Variants in NRXN3 observed in about 807,000 individuals in gnomAD.
NRXN3 encodes the protein neurexin III.
A neutral mutation model predicts 137.6 loss-of-function variants in NRXN3; 32 were observed. The ratio of observed to expected loss-of-function variants is 0.23; its 90% confidence interval spans 0.18 to 0.31. The LOEUF is 0.31. Among genes scored for constraint, NRXN3 ranks in the 10% least tolerant of loss-of-function variants. The pLI is 1.00. For missense variants in NRXN3, 1,574 were observed against 2,062.5 expected (o/e 0.76, Z 4.59); for synonymous variants, 798 against 784.5 (o/e 1.02, Z -0.29).
chr14:78,399,079 G>C (rs1235445052), intron 4 of NRXN3, among the ~76,000 whole-genome samples: 1 of 152,080 alleles, frequency 6.6e-6, no homozygotes, highest in African/African-American at 2.4e-5. Context: ...CCTTCTATGG[G>C]GCTTTTTGTC....
intron 6 of NRXN3, among the ~76,000 whole-genome samples, chr14:78,665,925 A>G (rs2152696361): frequency 6.6e-6 from 1 of 152,188 alleles, no homozygotes. Flanking sequence ...CTTTTATCCC[A>G]TATCTAGGTT....
intron 4 of NRXN3, among the ~76,000 whole-genome samples, chr14:78,332,714 A>C (rs1302120087): frequency 2.6e-5 from 4 of 152,216 alleles, no homozygotes; most frequent in African/African-American, 9.6e-5. Flanking sequence ...CCTATACTGT[A>C]ATCTTTTAAA....
intron 19 of NRXN3, among the ~76,000 whole-genome samples, chr14:79,725,108 T>A (rs186254133): frequency 2.3e-4 from 35 of 152,238 alleles, no homozygotes; most frequent in Non-Finnish European, 4.1e-4. Flanking sequence ...GTTGCAAAAC[T>A]GTTTGGGAGA....
At position 79,849,657 on chromosome 14, in the gene NRXN3, G is replaced by A. The variant is rs563175322; in HGVS notation, c.4094-11685G>A. On this transcript the variant is annotated intron_variant, in intron 20 of 20. Coordinates refer to ENST00000335750, the MANE Select transcript of NRXN3 (RefSeq NM_001330195.2). ...AGGGAACCGTTGTACACTGTGGGTG[G>A]GAATTTGGATTGGTCCAGCCATTAC... is the stretch of plus-strand genomic sequence containing the variant. Among the ~76,000 whole-genome samples, 72 of 152,254 alleles carry A rather than the reference G, an allele frequency of 4.7e-4. 1 individual carries two copies. The South Asian group carries it at 0.014, about 30-fold the overall frequency.
intron 16 of NRXN3, among the ~76,000 whole-genome samples, chr14:79,475,401 A>G (rs1376939579): frequency 2.6e-5 from 4 of 152,090 alleles, no homozygotes; most frequent in African/African-American, 4.8e-5. Context: ...TCCTCAATGC[A>G]TACAAATAAG....
intron 10 of NRXN3, among the ~76,000 whole-genome samples, chr14:78,871,064 T>A (rs2099100156): frequency 6.7e-6 from 1 of 148,708 alleles, no homozygotes; most frequent in Non-Finnish European, 1.5e-5. Flanking sequence ...TTTCCTTTCT[T>A]TTGGATATAT....
chr14:79,426,476 G>A (rs2095656499), intron 15 of NRXN3, among the ~76,000 whole-genome samples: 2 of 152,196 alleles, frequency 1.3e-5, no homozygotes, highest in African/African-American at 4.8e-5. Flanking sequence ...ATCAAGCTAT[G>A]TTTTCTGAGT....
intron 16 of NRXN3, among the ~76,000 whole-genome samples, chr14:79,607,366 A>G (rs2098034303): frequency 6.6e-6 from 1 of 152,222 alleles, no homozygotes; most frequent in African/African-American, 2.4e-5. Flanking sequence ...AAAATTAAAG[A>G]AATATTCAGC....
Position 78,943,667 on chromosome 14 carries a change from T to A in NRXN3, c.2276-13575T>A, listed in dbSNP as rs1213492930. On this transcript the variant is annotated intron_variant, in intron 10 of 20. Coordinates refer to ENST00000335750, the MANE Select transcript of NRXN3 (RefSeq NM_001330195.2). Reference sequence around the variant, plus strand: ...ATATATATATATATATATATATATATATATATATATATCTCAAAGAATCTA... The same window carrying A: ...ATATATATATATATATATATATATAAATATATATATATCTCAAAGAATCTA... Among the ~76,000 whole-genome samples the A allele has an allele frequency of 5.6e-4, 53 of 94,466 alleles. 3 individuals are homozygous for A. The highest frequency in any genetic ancestry group is 4.4e-3 in the Admixed American group (41 of 9,242). 62.0% of individuals were successfully genotyped at this position (94,466 alleles called of 152,430 possible).
At chr14:79,338,667 T>C (rs2092423622) in intron 15 of NRXN3, among the ~76,000 whole-genome samples, 1 of 152,188 alleles carries the variant, frequency 6.6e-6, no homozygotes, top group Non-Finnish European at 1.5e-5. Flanking sequence ...AGCACATAGT[T>C]GAGTGCAAAA....
intron 15 of NRXN3, among the ~76,000 whole-genome samples, chr14:79,193,520 C>T (rs118021243): frequency 1.2e-3 from 180 of 152,322 alleles, no homozygotes; most frequent in East Asian, 7.1e-3. Context: ...ATTAAACTTA[C>T]GTTGCAGTCA....
At chr14:79,555,457 G>A (rs2097420024) in intron 16 of NRXN3, among the ~76,000 whole-genome samples, 1 of 152,142 alleles carries the variant, frequency 6.6e-6, no homozygotes, top group African/African-American at 2.4e-5. Flanking sequence ...GGAATACAGA[G>A]AAGGATGATT....
At chr14:78,204,715 G>A (rs2062018588) in intron 1 of NRXN3, among the ~76,000 whole-genome samples, 2 of 152,106 alleles carry the variant, frequency 1.3e-5, no homozygotes, top group Admixed American at 1.3e-4. Context: ...GCATAATTGT[G>A]CTTTTTCTCT....
intron 15 of NRXN3, among the ~76,000 whole-genome samples, chr14:79,105,443 C>T (rs1292859050): frequency 6.6e-6 from 1 of 152,052 alleles, no homozygotes; most frequent in Non-Finnish European, 1.5e-5. Flanking sequence ...AAAGAAAGTA[C>T]ATTAAAGCAA....
At chr14:78,296,899 A>T (rs1054830857) in intron 3 of NRXN3, among the ~76,000 whole-genome samples, 1 of 152,118 alleles carries the variant, frequency 6.6e-6, no homozygotes, top group Non-Finnish European at 1.5e-5. Context: ...GGATATGTCA[A>T]ATATCTCCAG....
At chr14:79,027,345 C>T (rs971075432) in intron 15 of NRXN3, among the ~76,000 whole-genome samples, 3 of 151,924 alleles carry the variant, frequency 2.0e-5, no homozygotes, top group Non-Finnish European at 4.4e-5. Flanking sequence ...TGAGTTATTC[C>T]ATCTGGTTGT....
At chr14:79,360,173 C>T (rs1382502506) in intron 15 of NRXN3, among the ~76,000 whole-genome samples, 1 of 152,210 alleles carries the variant, frequency 6.6e-6, no homozygotes, top group East Asian at 1.9e-4. Context: ...CCGTAGCTTC[C>T]TCCCAACTCC....
intron 8 of NRXN3, among the ~76,000 whole-genome samples, chr14:78,767,731 T>A (rs1308833533): frequency 6.6e-6 from 1 of 152,160 alleles, no homozygotes; most frequent in East Asian, 1.9e-4. Context: ...TCGGAATGCT[T>A]TAAAAGACAA....
chr14:78,273,254 C>A (rs777318735), intron 2 of NRXN3, among the ~76,000 whole-genome samples: 8 of 152,220 alleles, frequency 5.3e-5, no homozygotes, highest in Non-Finnish European at 1.2e-4. Flanking sequence ...GGCTGTGTGA[C>A]TTTTGGCCAG....
Sources: allele counts gnomAD v4.1 joint callset (sites outside exome capture counted in the v4.1 genomes callset), GRCh38; gene constraint gnomAD v4.1.1; transcripts MANE v1.5; gene names NCBI Gene and HGNC (gene_info 2026-07-23, HGNC 2026-07-21).